Variants in NIPAL2 observed in about 807,000 individuals in gnomAD.
The protein encoded by NIPAL2 is NIPA-like protein 2.
Under a neutral mutation model 48.9 loss-of-function variants are expected in NIPAL2, and 43 were observed. The ratio of observed to expected loss-of-function variants is 0.88; its 90% CI spans 0.69 to 1.13. NIPAL2 has a LOEUF of 1.13. Among genes scored for constraint, NIPAL2 ranks in the 50% most tolerant of loss-of-function variants. NIPAL2 has a pLI of 0.00. For missense variants in NIPAL2, 446 were observed against 461.4 expected (o/e 0.97, Z 0.31); for synonymous variants, 167 against 174.6 (o/e 0.96, Z 0.34).
chr8:98,241,816 A>G (rs2130803082), intron 3 of NIPAL2, among the ~76,000 whole-genome samples: 1 of 144,602 alleles, frequency 6.9e-6, no homozygotes, highest in South Asian at 2.2e-4. Flanking sequence ...AGGGTTTGAC[A>G]CGGAATAATT....
intron 1 of NIPAL2, among the ~76,000 whole-genome samples, chr8:98,288,038 A>G (rs1178822029): frequency 6.6e-6 from 1 of 152,138 alleles, no homozygotes; most frequent in Non-Finnish European, 1.5e-5. Flanking sequence ...TTTTATACAT[A>G]TATATTTTTT....
intron 1 of NIPAL2, among the ~76,000 whole-genome samples, chr8:98,286,707 G>T (rs1031356369): frequency 1.3e-5 from 2 of 151,728 alleles, no homozygotes; most frequent in African/African-American, 4.8e-5. Context: ...TACTCAGGAG[G>T]CTGCGGCAGG....
chr8:98,216,068 C>T (rs1341560045), intron 5 of NIPAL2, among the ~76,000 whole-genome samples: 1 of 152,180 alleles, frequency 6.6e-6, no homozygotes, highest in Non-Finnish European at 1.5e-5. Flanking sequence ...AATGCATAGC[C>T]TATGGCCATA....
At chr8:98,202,960 C>T in intron 8 of NIPAL2, 148 bp downstream of exon 8, 1 of 648,856 alleles carries the variant, frequency 1.5e-6, no homozygotes, top group Non-Finnish European at 2.7e-6. Context: ...AGGAACCTCT[C>T]CTGGAAGATT....
chr8:98,271,995 A>G (rs1385708672), intron 1 of NIPAL2, among the ~76,000 whole-genome samples: 1 of 151,998 alleles, frequency 6.6e-6, no homozygotes, highest in East Asian at 1.9e-4. Flanking sequence ...GGTGAATCAC[A>G]TTTACTGATT....
intron 1 of NIPAL2, among the ~76,000 whole-genome samples, chr8:98,264,571 A>G (rs1233387025): frequency 6.0e-5 from 9 of 151,116 alleles, no homozygotes; most frequent in Non-Finnish European, 1.2e-4. Context: ...TCCAACTTAC[A>G]AGGGATGTGA....
At chr8:98,225,352 A>G (rs539416436) in intron 4 of NIPAL2, among the ~76,000 whole-genome samples, 13 of 152,314 alleles carry the variant, frequency 8.5e-5, no homozygotes, top group African/African-American at 3.1e-4. Context: ...CCTTAAATAA[A>G]TTCCTTTTAA....
In NIPAL2 at chr8:98,232,010, AT is replaced by A. The variant is rs796718512; in HGVS notation, c.436+4144del. On this transcript the variant is annotated intron_variant, in intron 4 of 10. Transcript: ENST00000430223. ...AAGAAAAAGATGCTTTTTTTAAAAA[AT>A]TTTTTTTTTGCTTTTAGCAGAAAAA... Among the ~76,000 whole-genome samples, 126 of 152,256 alleles carry A rather than the reference AT, an allele frequency of 8.3e-4. 1 individual carries two copies. The highest frequency in any genetic ancestry group is 1.7e-3 in the South Asian group (8 of 4,834).
At chr8:98,271,536 T>G (rs1230723046) in intron 1 of NIPAL2, among the ~76,000 whole-genome samples, 1 of 152,120 alleles carries the variant, frequency 6.6e-6, no homozygotes, top group Non-Finnish European at 1.5e-5. Context: ...TGATTTTTTG[T>G]GAATTTTGTA....
chr8:98,273,085 T>G lies in NIPAL2; in HGVS notation c.136-18998A>C, dbSNP rs2130882394. 1.3e-5 allele frequency among the ~76,000 whole-genome samples: 2 copies of G among 152,326 alleles called. 1 individual carries two copies. The highest frequency in any genetic ancestry group is 4.1e-4 in the South Asian group (2 of 4,830). ...ACACAAATATCCATAGCACCGTTAT[T>G]CCTAGTGCCCCAAAGTGGAAATGAC... On this transcript the variant is annotated intron_variant, in intron 1 of 10. Coordinates refer to ENST00000430223, the MANE Select transcript of NIPAL2 (RefSeq NM_001321635.2).
chr8:98,267,197 G>A (rs1814825630), intron 1 of NIPAL2, among the ~76,000 whole-genome samples: 1 of 152,042 alleles, frequency 6.6e-6, no homozygotes, highest in South Asian at 2.1e-4. Context: ...AGGGATGGTA[G>A]AAACTACCAA....
chr8:98,214,551 C>G (rs895181089), intron 5 of NIPAL2, among the ~76,000 whole-genome samples: 3 of 150,186 alleles, frequency 2.0e-5, no homozygotes, highest in Non-Finnish European at 4.5e-5. Flanking sequence ...AGTACCATCA[C>G]TAATTTTTTT....
rs2130934523 is a variant in NIPAL2 at position 98,294,130 on chromosome 8, G to A, written c.8C>T (p.Ala3Val). MA[A>V]VAPAGPGDSA... ...GTCCCCGGGGCCCGCGGGCGCCACC[G>A]CTGCCATGAGGTCTCGCTCCCGGCG... The change falls in exon 1 of 11, where the codon GCG becomes GTG. Residue 3 changes from alanine to valine, a missense_variant. Ala to Val is a moderately conservative substitution (Grantham distance 64). Coordinates refer to ENST00000430223, the MANE Select transcript of NIPAL2 (RefSeq NM_001321635.2). 8 of 1,460,206 alleles carry A rather than the reference G, an allele frequency of 5.5e-6. No individual in the cohort carries two copies. Among genetic ancestry groups the A allele is most frequent in the Non-Finnish European group, 7.2e-6 (8 of 1,105,344 alleles). The allele number at this position is 1,460,206 out of a possible 1,614,324, so 90.5% of individuals were successfully genotyped here. A position where few individuals can be genotyped will look rare whatever the true frequency, so the allele number is the denominator to read the frequency against.
intron 1 of NIPAL2, among the ~76,000 whole-genome samples, chr8:98,286,753 G>A (rs1458404700): frequency 1.4e-5 from 2 of 147,930 alleles, no homozygotes; most frequent in South Asian, 2.1e-4. Context: ...AGGTTGCAGC[G>A]AGCTGAGATC....
intron 1 of NIPAL2, among the ~76,000 whole-genome samples, chr8:98,282,931 A>G (rs1429446555): frequency 6.6e-6 from 1 of 152,224 alleles, no homozygotes; most frequent in Non-Finnish European, 1.5e-5. Context: ...TGGTTATTGT[A>G]TGCTATTGGG....
In NIPAL2 at chr8:98,203,158, G is replaced by A. The variant is rs1219473758; in HGVS notation, c.830C>T (p.Thr277Ile). 1.2e-6 allele frequency: 2 copies of A among 1,614,038 alleles called. No individual in the cohort carries two copies. The highest frequency in any genetic ancestry group is 2.7e-5 in the African/African-American group (2 of 74,934). ...GAAAATATGATTAACTGGCACCACT[G>A]TTGTCGTATTGTAGAGTTTCGTGGC... ...NQATKLYNTT[T>I]VVPVNHIFFT... Residue 277 changes from threonine to isoleucine, a missense_variant, in exon 8 of 11, where the codon ACA becomes ATA. Transcript: ENST00000430223.
At chr8:98,276,152 A>G (rs181169875) in intron 1 of NIPAL2, among the ~76,000 whole-genome samples, 5 of 152,196 alleles carry the variant, frequency 3.3e-5, no homozygotes, top group African/African-American at 9.6e-5. Flanking sequence ...TTCATGCTCT[A>G]TTGGTTTTGG....
chr8:98,256,641 A>AG (rs1329607361), intron 1 of NIPAL2, among the ~76,000 whole-genome samples: 4 of 151,668 alleles, frequency 2.6e-5, no homozygotes, highest in Middle Eastern at 3.4e-3. Context: ...TAAAAAAAAA[A>AG]AGAGAAAAGA....
At chr8:98,252,108 A>G in intron 3 of NIPAL2, 1 of 170,892 alleles carries the variant, frequency 5.9e-6, no homozygotes, top group Non-Finnish European at 1.2e-5. Flanking sequence ...GACTCTAACT[A>G]CAGGCATTAT....
Sources: gnomAD v4.1 joint callset for allele counts (sites outside exome capture counted in the v4.1 genomes callset) on GRCh38, gnomAD v4.1.1 for gene constraint, MANE v1.5 for transcripts, NCBI Gene and HGNC (gene_info 2026-07-23, HGNC 2026-07-21) for gene names.